Variants in TNK2 observed in about 807,000 individuals in gnomAD.
The protein encoded by TNK2 is tyrosine kinase non receptor 2.
TNK2 carries 83 observed loss-of-function variants against 101.8 expected under a neutral mutation model. The ratio of observed to expected loss-of-function variants is 0.82; its 90% CI spans 0.68 to 0.98. The LOEUF is 0.98. Ranked by LOEUF, TNK2 falls within the 50% of genes least tolerant of loss-of-function variation. TNK2 has a pLI of 0.00. For synonymous variants in TNK2, 804 were observed against 633.0 expected, an observed-to-expected ratio of 1.27 and a Z score of -4.06; for missense variants, 1,665 against 1,483.2, an observed-to-expected ratio of 1.12 and a Z score of -2.01.
At chr3:195,865,694 G>C (rs879437801) in intron 15 of TNK2, among the ~76,000 whole-genome samples, 1 of 149,884 alleles carries the variant, frequency 6.7e-6, no homozygotes, top group Non-Finnish European at 1.5e-5. Flanking sequence ...AATCAGTTAA[G>C]AACGACCCGA....
At chr3:195,898,518 ACTC>A (rs1192256028) in intron 1 of TNK2, among the ~76,000 whole-genome samples, 3 of 152,024 alleles carry the variant, frequency 2.0e-5, no homozygotes, top group Non-Finnish European at 4.4e-5. Context: ...TCTGGGCTGC[ACTC>A]CTCACCTAGT....
rs1435219691 is a variant in TNK2 at position 195,887,610 on chromosome 3, G to C, written c.164-563C>G. The stretch of plus-strand genomic sequence containing the variant: ...ATTACCTATTTAGCTATTTTAACTT[G>C]AAAGCCCTAATACGTTTCTAATGTT... On this transcript the variant is annotated intron_variant, in intron 2 of 15. Coordinates refer to ENST00000672887, the MANE Select transcript of TNK2 (RefSeq NM_001382273.1). Among the ~76,000 whole-genome samples the C allele has an allele frequency of 2.7e-5, 4 of 150,424 alleles. No individual in the cohort carries two copies. In the East Asian group the frequency reaches 7.9e-4, roughly 30 times the overall value.
intron 4 of TNK2, chr3:195,884,089 ACTGTATG>A (rs1754514603): frequency 6.6e-6 from 1 of 152,232 alleles, no homozygotes; most frequent in African/African-American, 2.4e-5. Flanking sequence ...TCACACCAGA[ACTGTATG>A]CTGTGGTGAC....
Position 195,878,989 on chromosome 3 carries a change from G to T in TNK2, c.1014+60C>A. 1 of 1,590,404 alleles carries T rather than the reference G, an allele frequency of 6.3e-7. No individual in the cohort carries two copies. The highest frequency in any genetic ancestry group is 8.6e-7 in the Non-Finnish European group (1 of 1,168,862). On this transcript the variant is annotated intron_variant, in intron 7 of 15. Transcript: ENST00000672887. This position sits in a 1 kb window ranked among gnomAD's most constrained non-coding sequence, Gnocchi z 4.7. ...GAGGCAGTTCCAGCAGGGCCAGGCT[G>T]CAAGCAGGGAATGGAATTCACCCCA...
chr3:195,870,373 G>A (rs1006154426), intron 10 of TNK2, 168 bp from the exon 11 acceptor site: 2 of 1,482,366 alleles, frequency 1.3e-6, no homozygotes, highest in Non-Finnish European at 1.8e-6. Context: ...TCAGCTGGGG[G>A]GTGTCCTGGA....
Position 195,888,403 on chromosome 3 carries a change from A to T in TNK2, c.163+23T>A. The T allele has an allele frequency of 6.2e-7, 1 of 1,608,802 alleles. No homozygotes were observed. Among genetic ancestry groups the T allele is most frequent in the Non-Finnish European group, 8.5e-7 (1 of 1,176,380 alleles). ...GACGGAAAGGGTCAGGGGCAAGACA[A>T]GCCAGGCCAACATCCCACCTACCAG... On this transcript the variant is annotated intron_variant, in intron 2 of 15. Transcript: ENST00000672887. This position sits in a 1 kb window ranked among gnomAD's most constrained non-coding sequence, Gnocchi z 5.3.
At chr3:195,897,362 CAT>C (rs1760715879) in intron 1 of TNK2, among the ~76,000 whole-genome samples, 1 of 152,236 alleles carries the variant, frequency 6.6e-6, no homozygotes, top group Non-Finnish European at 1.5e-5. Flanking sequence ...CATGACTGTC[CAT>C]AGTCTCTCCA....
intron 9 of TNK2, chr3:195,876,863 G>A (rs965756502): frequency 6.5e-5 from 23 of 356,304 alleles, no homozygotes; most frequent in African/African-American, 3.4e-4. Flanking sequence ...AGAGACACAC[G>A]CCCCAAACAC....
At position 195,882,596 on chromosome 3, in the gene TNK2, G is replaced by C; in HGVS notation, c.610-268C>G. The C allele has an allele frequency of 7.2e-7, 1 of 1,389,234 alleles. No homozygotes were observed. Among genetic ancestry groups the C allele is most frequent in the Non-Finnish European group, 9.7e-7 (1 of 1,033,808 alleles). 86.1% of individuals were successfully genotyped at this position (1,389,234 alleles called of 1,614,324 possible). A position where few individuals can be genotyped will look rare whatever the true frequency, so the allele number is the denominator to read the frequency against. ...AACTCAGCTGGACGTGGTGGCTCAC[G>C]CCTGTAATCCCAGCACTTTGGGAGG... is the stretch of plus-strand genomic sequence containing the variant. On this transcript the variant is annotated intron_variant, in intron 5 of 15. Coordinates refer to ENST00000672887, the MANE Select transcript of TNK2 (RefSeq NM_001382273.1). This position sits in a 1 kb window ranked among gnomAD's most constrained non-coding sequence, Gnocchi z 4.2.
In TNK2 at chr3:195,889,060, G is replaced by A. The variant is rs1400621843; in HGVS notation, c.-18-454C>T. On this transcript the variant is annotated intron_variant, in intron 1 of 15. Transcript: ENST00000672887. The stretch of plus-strand genomic sequence containing the variant: ...AGACCCATCTATGGGCTCCTTAGAT[G>A]TGACGGAGAAAACTCTCAGGGTCAG... Among the ~76,000 whole-genome samples, 3 of 152,044 alleles carry A rather than the reference G, an allele frequency of 2.0e-5. No individual in the cohort carries two copies. The East Asian group carries it at 5.8e-4, about 29-fold the overall frequency.
chr3:195,892,425 G>C (rs1237138748), intron 1 of TNK2: 8 of 1,535,028 alleles, frequency 5.2e-6, no homozygotes, highest in Middle Eastern at 3.4e-4. Flanking sequence ...TACAGGCGTC[G>C]CCGCAGTCTG....
rs930623998 is a variant in TNK2 at position 195,867,413 on chromosome 3, C to A, written c.2885G>T (p.Gly962Val). The A allele has an allele frequency of 4.4e-6, 7 of 1,603,752 alleles. No homozygotes were observed. In the South Asian group the frequency reaches 5.5e-5, roughly 13 times the overall value. The change falls in exon 13 of 16, where the codon GGC becomes GTC. Residue 962 changes from glycine to valine, a missense_variant. Transcript: ENST00000672887. ...PRATARLPQR[G>V]CPGDGPEAGR... ...CGCCTCTGGCCCATCGCCAGGGCAG[C>A]CCCTCTGTGGCAGCCGAGCAGTGGC...
At chr3:195,869,690 G>A (rs542449585) in intron 11 of TNK2, 149 bp from the exon 12 acceptor site, 30 of 816,390 alleles carry the variant, frequency 3.7e-5, no homozygotes, top group Admixed American at 1.9e-4. Context: ...CCCAGCAAAC[G>A]GGAGGCCGCA....
chr3:195,895,452 C>G, intron 1 of TNK2: 9 of 1,422,910 alleles, frequency 6.3e-6, no homozygotes, highest in Non-Finnish European at 8.3e-6. Flanking sequence ...GCGTCTCAGC[C>G]CCCATAGCCT....
rs759173529 is a variant in TNK2 at position 195,878,556 on chromosome 3, G to A, written c.1051C>T (p.Pro351Ser). ...HKIDKEGERL[P>S]RPEDCPQDIY... Reference sequence around the variant, plus strand: ...TCCTGGGGACAGTCCTCGGGCCGGGGCAGCCGCTCCCCCTCCTTGTCGATC... The same window carrying A: ...TCCTGGGGACAGTCCTCGGGCCGGGACAGCCGCTCCCCCTCCTTGTCGATC... The change falls in exon 8 of 16, where the codon CCC becomes TCC. Residue 351 changes from proline (P) to serine (S), a missense_variant. Around this residue, in one of 3 missense-constraint regions of TNK2, gnomAD observed 490 missense variants for 522.5 expected, o/e 0.94. Transcript: ENST00000672887. This position sits in a 1 kb window ranked among gnomAD's most constrained non-coding sequence, Gnocchi z 4.7. 3 of 1,612,956 alleles carry A rather than the reference G, an allele frequency of 1.9e-6. No homozygotes were observed. The highest frequency in any genetic ancestry group is 2.7e-5 in the African/African-American group (2 of 74,928).
intron 15 of TNK2, among the ~76,000 whole-genome samples, chr3:195,866,468 TG>T (rs1221244582): frequency 6.6e-6 from 1 of 152,180 alleles, no homozygotes; most frequent in Admixed American, 6.5e-5. Context: ...CCCACAGTGC[TG>T]GGGATTACAG....
rs932376872 is a variant in TNK2, at chr3:195,878,915, G to A, written c.1014+134C>T. ...AGACACGGGGCGTGGTGGGAGGCAC[G>A]GGAAGTGGGGGGAGGCACGGGGCGT... is the stretch of plus-strand genomic sequence containing the variant. On this transcript the variant is annotated intron_variant, in intron 7 of 15. Transcript: ENST00000672887. This position sits in a 1 kb window ranked among gnomAD's most constrained non-coding sequence, Gnocchi z 4.7. 1.9e-5 allele frequency: 27 copies of A among 1,389,598 alleles called. No individual in the cohort carries two copies. Among genetic ancestry groups the A allele is most frequent in the Middle Eastern group, 2.6e-4 (1 of 3,856 alleles). 86.1% of individuals were successfully genotyped at this position (1,389,598 alleles called of 1,614,324 possible).
chr3:195,878,881 CGT>C lies in TNK2; in HGVS notation c.1014+166_1014+167del, dbSNP rs1331356514. Among the ~76,000 whole-genome samples the C allele has an allele frequency of 6.6e-6, 1 of 151,984 alleles. No individual in the cohort carries two copies. Among genetic ancestry groups the C allele is most frequent in the East Asian group, 1.9e-4 (1 of 5,170 alleles). ...TCCCTGAGGCCATACAGATACGGGG[CGT>C]GAGAGGAGACACGGGGCGTGGTGGG... On this transcript the variant is annotated intron_variant, in intron 7 of 15. Coordinates refer to ENST00000672887, the MANE Select transcript of TNK2 (RefSeq NM_001382273.1). The surrounding 1 kb of genome is among the most constrained non-coding windows in gnomAD (Gnocchi z 4.7).
At chr3:195,887,679 T>C (rs1011413986) in intron 2 of TNK2, among the ~76,000 whole-genome samples, 7 of 152,184 alleles carry the variant, frequency 4.6e-5, no homozygotes, top group Non-Finnish European at 1.0e-4. Context: ...ACCCCCACTT[T>C]TAGGAAAAAT....
Sources: allele counts gnomAD v4.1 joint callset (sites outside exome capture counted in the v4.1 genomes callset), GRCh38; gene constraint gnomAD v4.1.1; regional missense constraint gnomAD v4.1.1; non-coding constraint Gnocchi (gnomAD v3.1); transcripts MANE v1.5; gene names NCBI Gene and HGNC (gene_info 2026-07-23, HGNC 2026-07-21).